The following PLXNA3 variants were observed in gnomAD, a reference collection of about 807,000 sequenced individuals.
PLXNA3 encodes the protein plexin-A3.
Under a neutral mutation model 118.8 loss-of-function variants are expected in PLXNA3, and 52 were observed. That is an observed-to-expected ratio of 0.44 (90% CI 0.35 to 0.55). The LOEUF is 0.55. PLXNA3 is among the 20% of genes least tolerant of loss of function. The pLI is 0.01. For synonymous variants in PLXNA3, 925 were observed against 762.4 expected (o/e 1.21, Z -3.51); for missense variants, 1,660 against 1,730.8 (o/e 0.96, Z 0.73).
At position 154,460,282 on chromosome X, in the gene PLXNA3, T is replaced by G; in HGVS notation, c.99T>G (p.Leu33=). ...CCTTCGTGGTGACAGACACCACGCT[T>G]ACCCACCTGGCTGTGCACCGGGTGA... is the stretch of plus-strand genomic sequence containing the variant. The part of the protein sequence containing the change: ...FRAFVVTDTT[L]THLAVHRVTG... The change falls in exon 2 of 33, where the codon CTT becomes CTG. Residue 33 remains leucine (L), a synonymous_variant. Coordinates refer to ENST00000369682, the MANE Select transcript of PLXNA3 (RefSeq NM_017514.5). 1 of 1,207,924 alleles carries G rather than the reference T, an allele frequency of 8.3e-7. No homozygotes were observed. The highest frequency in any genetic ancestry group is 1.1e-6 in the Non-Finnish European group (1 of 892,500).
At chrX:154,462,332 A>T (rs1236273875) in intron 4 of PLXNA3, 22 bp downstream of exon 4, 3 of 1,097,309 alleles carry the variant, frequency 2.7e-6, no homozygotes, top group Middle Eastern at 3.0e-4. Context: ...AGCCCTGGGC[A>T]TGTGGGGGTG....
rs377113398 is a variant in PLXNA3, at chrX:154,471,762, C to T, written c.5520+124C>T. ...CTCTCCCCTGACCAGGGCCTGGGGCCGGCACAGGTGATGCTCTCTGGGATC... is the reference window on the plus strand; with the variant it reads ...CTCTCCCCTGACCAGGGCCTGGGGCTGGCACAGGTGATGCTCTCTGGGATC... On this transcript the variant is annotated intron_variant, in intron 32 of 32. Coordinates refer to ENST00000369682, the MANE Select transcript of PLXNA3 (RefSeq NM_017514.5). 256 of 600,199 alleles carry T rather than the reference C, an allele frequency of 4.3e-4. 2 individuals are homozygous for T. In the East Asian group the frequency reaches 6.4e-3, roughly 15 times the overall value. 49.5% of individuals were successfully genotyped at this position (600,199 alleles called of 1,213,427 possible). A position where few individuals can be genotyped will look rare whatever the true frequency, so the allele number is the denominator to read the frequency against.
intron 31 of PLXNA3, 63 bp downstream of exon 31, chrX:154,471,380 C>A: frequency 8.7e-7 from 1 of 1,147,763 alleles, no homozygotes; most frequent in South Asian, 1.9e-5. Context: ...GCTGCCTGTG[C>A]GAGGCAGGCC....
Position 154,463,498 on chromosome X carries a change from C to G in PLXNA3, c.1425C>G (p.Ile475Met). ...TCTTCAGCCCGGACCACCGGCACAT[C>G]TATCTCCTGAGTGAGAAGCAGGTGG... ...DLLFSPDHRH[I>M]YLLSEKQVSQ... The change falls in exon 5 of 33, where the codon ATC (isoleucine) becomes ATG (methionine). Residue 475 changes from isoleucine (I) to methionine (M), a missense_variant. Physicochemically the swap from Ile to Met is conservative, Grantham distance 10. This residue lies in a region of PLXNA3 where 791 missense variants were observed against 652.1 expected (regional missense o/e 1.21). Coordinates refer to ENST00000369682, the MANE Select transcript of PLXNA3 (RefSeq NM_017514.5). 8.3e-7 allele frequency: 1 copy of G among 1,203,048 alleles called. No individual in the cohort carries two copies. Among genetic ancestry groups the G allele is most frequent in the Non-Finnish European group, 1.1e-6 (1 of 892,459 alleles).
rs2068952023 is a variant in PLXNA3 at position 154,461,265 on chromosome X, G to A, written c.761G>A (p.Gly254Asp). The A allele has an allele frequency of 1.6e-6, 2 of 1,212,488 alleles. No homozygotes were observed. The highest frequency in any genetic ancestry group is 2.2e-6 in the Non-Finnish European group (2 of 895,543). ...CAGCAGACGCTGTTGGACACAGCGG[G>A]CGAGAAATTTTTCACGTCCAAGATC... is the stretch of plus-strand genomic sequence containing the variant. ...DTQQTLLDTA[G>D]EKFFTSKIVR... Residue 254 changes from glycine to aspartate, a missense_variant, in exon 3 of 33, where the codon GGC becomes GAC. By Grantham distance (94) the Gly-to-Asp change is moderately conservative (BLOSUM62 -1). Around this residue, in one of 2 missense-constraint regions of PLXNA3, gnomAD observed 791 missense variants for 652.1 expected, o/e 1.21. Coordinates refer to ENST00000369682, the MANE Select transcript of PLXNA3 (RefSeq NM_017514.5).
chrX:154,462,777 A>T (rs2068998206), intron 4 of PLXNA3, among the ~76,000 whole-genome samples: 1 of 110,041 alleles, frequency 9.1e-6, no homozygotes. Flanking sequence ...AGCTGCTTCC[A>T]TTGGGGATCT....
rs2069231148 is a variant in PLXNA3 at position 154,475,508 on chromosome X, TG to T, written c.*2824del. The T allele has an allele frequency of 8.9e-6, 1 of 112,603 alleles. No homozygotes were observed. Among genetic ancestry groups the T allele is most frequent in the Non-Finnish European group, 1.9e-5 (1 of 53,294 alleles). The allele number at this position is 112,603 out of a possible 1,213,427, so 9.3% of individuals were successfully genotyped here. On this transcript the variant is annotated 3_prime_UTR_variant, in exon 33 of 33. Coordinates refer to ENST00000369682, the MANE Select transcript of PLXNA3 (RefSeq NM_017514.5). Reference sequence around the variant, plus strand: ...AAGCTGCCAGCTCCAGCCGTCCAGCTGTGGGGCCACGGTGCCAGACAGTGGT... The same window carrying T: ...AAGCTGCCAGCTCCAGCCGTCCAGCTTGGGGCCACGGTGCCAGACAGTGGT...
chrX:154,465,447 T>C lies in PLXNA3; in HGVS notation c.2268T>C (p.His756=). 1 of 1,206,104 alleles carries C rather than the reference T, an allele frequency of 8.3e-7. No homozygotes were observed. Among genetic ancestry groups the C allele is most frequent in the Non-Finnish European group, 1.1e-6 (1 of 890,645 alleles). ...NASYSYEGDE[H]GDTELDFSVV... ...AGTACTCCTATGAAGGTGATGAGCA[T>C]GGTGACACCGAGCTGGACTTTTCCG... The change falls in exon 12 of 33, where the codon CAT becomes CAC. Residue 756 remains histidine (H), a synonymous_variant. Transcript: ENST00000369682.
chrX:154,463,868 G>A (rs1447063951), intron 6 of PLXNA3, 83 bp from the exon 7 acceptor site: 73 of 1,114,703 alleles, frequency 6.5e-5, no homozygotes, highest in South Asian at 4.0e-4. Flanking sequence ...GCCAAGGCTC[G>A]CTGTTGCCTG....
chrX:154,465,629 C>G (rs2069068830), intron 12 of PLXNA3, 28 bp from the exon 13 acceptor site: 1 of 1,196,411 alleles, frequency 8.4e-7, no homozygotes, highest in Admixed American at 2.2e-5. Context: ...ACTGCCTGCT[C>G]CGTCAGCAGT....
At position 154,461,350 on chromosome X, in the gene PLXNA3, C is replaced by T; in HGVS notation, c.846C>T (p.Cys282=). The T allele has an allele frequency of 8.2e-7, 1 of 1,212,190 alleles. No individual in the cohort carries two copies. Among genetic ancestry groups the T allele is most frequent in the Non-Finnish European group, 1.1e-6 (1 of 895,603 alleles). The change falls in exon 3 of 33, where the codon TGC becomes TGT. Residue 282 remains cysteine, a synonymous_variant. Transcript: ENST00000369682. ...CATACGTGGAATTCCCCATCGGCTG[C>T]TCCTGGCGCGGCGTGGAGTACCGCT... ...FYSYVEFPIG[C]SWRGVEYRLV... is the part of the protein sequence containing the mutation.
Position 154,470,061 on chromosome X carries a change from A to C in PLXNA3, c.4880A>C (p.Lys1627Thr), listed in dbSNP as rs782582829. ...ACGCCTGACCAGGAGACAGGCACCA[A>C]ATTGTGGCACCTGGTGAAAAACCAC... ...MITPDQETGTKLWHLVKNHDH... is the reference protein window; with the variant it reads ...MITPDQETGTTLWHLVKNHDH... The change falls in exon 29 of 33, where the codon AAA becomes ACA. Residue 1627 changes from lysine (K) to threonine (T), a missense_variant. Transcript: ENST00000369682. The C allele has an allele frequency of 5.0e-6, 6 of 1,209,617 alleles. No individual in the cohort carries two copies. The highest frequency in any genetic ancestry group is 5.6e-6 in the Non-Finnish European group (5 of 894,838).
rs1196607786 is a variant in PLXNA3, at chrX:154,473,421, C to G, written c.*736C>G. 3 of 113,186 alleles carry G rather than the reference C, an allele frequency of 2.7e-5. No individual in the cohort carries two copies. Among genetic ancestry groups the G allele is most frequent in the Non-Finnish European group, 5.6e-5 (3 of 53,403 alleles). 9.3% of individuals were successfully genotyped at this position (113,186 alleles called of 1,213,427 possible). A position where few individuals can be genotyped will look rare whatever the true frequency, so the allele number is the denominator to read the frequency against. ...CAAACGTCCTCAGTGTTGTCTGCAC[C>G]TGCTCCGACTCCTTCAGCCGCCCCA... On this transcript the variant is annotated 3_prime_UTR_variant, in exon 33 of 33. Transcript: ENST00000369682.
At chrX:154,469,298 C>T in intron 26 of PLXNA3, 81 bp from the exon 27 acceptor site, 1 of 1,159,536 alleles carries the variant, frequency 8.6e-7, no homozygotes, top group Non-Finnish European at 1.2e-6. Context: ...CGCTCCCCAC[C>T]TGAACCCTGT....
chrX:154,468,250 C>G (rs376649079), intron 22 of PLXNA3, 26 bp downstream of exon 22: 154 of 1,178,667 alleles, frequency 1.3e-4, no homozygotes, highest in South Asian at 6.4e-4. Context: ...GCCTGCCCCC[C>G]ACCATTCCCT....
intron 1 of PLXNA3, 51 bp downstream of exon 1, chrX:154,458,479 C>T (rs2068878146): frequency 9.0e-6 from 1 of 111,316 alleles, no homozygotes; most frequent in African/African-American, 3.3e-5. Context: ...AGCTCGGGGC[C>T]CGGGGCTCCG....
rs782341514 is a variant in PLXNA3, at chrX:154,469,826, A to G, written c.4795+42A>G. On this transcript the variant is annotated intron_variant, in intron 28 of 32. Transcript: ENST00000369682. The stretch of plus-strand genomic sequence containing the variant: ...TGGTGGCCATGTGCCCTTCGAGGGA[A>G]CCCCCACTTCCAAGTGCCATCGATT... The G allele has an allele frequency of 7.0e-6, 8 of 1,141,053 alleles. No homozygotes were observed. In the East Asian group the frequency reaches 2.4e-4, roughly 34 times the overall value. The allele number at this position is 1,141,053 out of a possible 1,213,427, so 94.0% of individuals were successfully genotyped here.
At chrX:154,469,569 C>T (rs2069150080) in intron 27 of PLXNA3, 87 bp downstream of exon 27, 3 of 939,244 alleles carry the variant, frequency 3.2e-6, no homozygotes, top group African/African-American at 3.8e-5. Flanking sequence ...GAGCAGTGGC[C>T]CTGGCTCCCC....
In PLXNA3 at chrX:154,477,516, A is replaced by ATATT. The variant is rs1557211076; in HGVS notation, c.*4832_*4835dup. 1 of 117,311 alleles carries ATATT rather than the reference A, an allele frequency of 8.5e-6. No individual in the cohort carries two copies. The highest frequency in any genetic ancestry group is 1.8e-5 in the Non-Finnish European group (1 of 56,768). 9.7% of individuals were successfully genotyped at this position (117,311 alleles called of 1,213,427 possible). ...AAAAAATTTAACACTAAACTTGCAAATATTATGTGGTGTATATTACAGTTA... is the reference window on the plus strand; with the variant it reads ...AAAAAATTTAACACTAAACTTGCAAATATTTATTATGTGGTGTATATTACAGTTA... On this transcript the variant is annotated 3_prime_UTR_variant, in exon 33 of 33. Transcript: ENST00000369682.
Sources: gnomAD v4.1 joint callset for allele counts (sites outside exome capture counted in the v4.1 genomes callset) on GRCh38, gnomAD v4.1.1 for gene constraint, gnomAD v4.1.1 regional missense constraint, MANE v1.5 for transcripts, NCBI Gene and HGNC (gene_info 2026-07-23, HGNC 2026-07-21) for gene names.